CNIH3: variants seen among roughly 807,000 people sequenced by gnomAD.
CNIH3 encodes the protein cornichon family AMPA receptor auxiliary protein 3, also known as protein cornichon homolog 3.
In CNIH3, 14 loss-of-function variants were observed where a neutral mutation model predicts 24.1. That is an observed-to-expected ratio of 0.58 (90% CI 0.38 to 0.91). CNIH3 has a LOEUF of 0.91. Ranked by LOEUF, CNIH3 falls within the 40% of genes least tolerant of loss-of-function variation. The pLI is 0.00. For synonymous variants in CNIH3, 68 were observed against 73.8 expected, an observed-to-expected ratio of 0.92 and a Z score of 0.40; for missense variants, 178 against 196.8, an observed-to-expected ratio of 0.90 and a Z score of 0.57.
chr1:224,461,531 G>A (rs1675912244), intron 1 of CNIH3, among the ~76,000 whole-genome samples: 1 of 152,068 alleles, frequency 6.6e-6, no homozygotes, highest in South Asian at 2.1e-4. Context: ...TTGAACCTAT[G>A]GACGTATGTA....
At chr1:224,560,494 A>G (rs747252103) in intron 3 of CNIH3, among the ~76,000 whole-genome samples, 1 of 152,108 alleles carries the variant, frequency 6.6e-6, no homozygotes, top group African/African-American at 2.4e-5. Flanking sequence ...GTGCAGTTTC[A>G]TCTGCATTTA....
At chr1:224,569,600 C>T (rs1460055135) in intron 4 of CNIH3, among the ~76,000 whole-genome samples, 5 of 152,074 alleles carry the variant, frequency 3.3e-5, no homozygotes, top group Admixed American at 6.5e-5. Flanking sequence ...TAGATTATTT[C>T]TAATTATTTT....
chr1:224,627,286 A>G (rs4275420), intron 1 of CNIH3, among the ~76,000 whole-genome samples: 152,141 of 152,142 alleles, frequency 1, 76,070 homozygotes, highest in Middle Eastern at 1. Context: ...GAGTGCAGTG[A>G]TGTGATCTCG....
At chr1:224,686,547 T>A (rs1686670704) in intron 3 of CNIH3, among the ~76,000 whole-genome samples, 1 of 152,184 alleles carries the variant, frequency 6.6e-6, no homozygotes, top group Admixed American at 6.5e-5. Context: ...AGCTAGTACT[T>A]CTATAGTCTC....
chr1:224,569,200 A>G (rs1428726038), intron 4 of CNIH3, among the ~76,000 whole-genome samples: 2 of 152,084 alleles, frequency 1.3e-5, no homozygotes, highest in Admixed American at 6.5e-5. Flanking sequence ...GCTTTTTTAC[A>G]TTTTGCTATA....
At chr1:224,637,545 G>A (rs1338583184) in intron 1 of CNIH3, among the ~76,000 whole-genome samples, 1 of 152,166 alleles carries the variant, frequency 6.6e-6, no homozygotes, top group Non-Finnish European at 1.5e-5. Context: ...GAGCTGTTTA[G>A]TACTGGCCCC....
downstream of CNIH3, among the ~76,000 whole-genome samples, chr1:224,539,927 T>C (rs994625761): frequency 1.3e-5 from 2 of 152,228 alleles, no homozygotes; most frequent in African/African-American, 2.4e-5. Flanking sequence ...TGTAAGCTCC[T>C]TGAGGGTGCA....
chr1:224,655,817 G>C (rs1685070658), intron 1 of CNIH3, among the ~76,000 whole-genome samples: 1 of 152,194 alleles, frequency 6.6e-6, no homozygotes, highest in South Asian at 2.1e-4. Context: ...AAAATTGGAG[G>C]TTTGTATAAT....
intron 3 of CNIH3, among the ~76,000 whole-genome samples, chr1:224,692,573 G>A (rs1054071306): frequency 3.3e-5 from 5 of 152,144 alleles, no homozygotes; most frequent in Non-Finnish European, 4.4e-5. Flanking sequence ...TTCTTGGGAG[G>A]ATTTCTAAAG....
chr1:224,739,623 G>T lies in CNIH3; in HGVS notation c.*267G>T. 1 of 564,372 alleles carries T rather than the reference G, an allele frequency of 1.8e-6. No individual in the cohort carries two copies. 35.0% of individuals were successfully genotyped at this position (564,372 alleles called of 1,614,324 possible). ...GCCCTTCTGAGCATCAGTGGTGTGGGGGAGTAGGTGACGAAACACTAGACC... is the reference window on the plus strand; with the variant it reads ...GCCCTTCTGAGCATCAGTGGTGTGGTGGAGTAGGTGACGAAACACTAGACC... On this transcript the variant is annotated 3_prime_UTR_variant, in exon 6 of 6. Coordinates refer to ENST00000272133, the MANE Select transcript of CNIH3 (RefSeq NM_152495.2).
intron 2 of CNIH3, among the ~76,000 whole-genome samples, chr1:224,531,020 T>C (rs1378286168): frequency 6.6e-6 from 1 of 152,200 alleles, no homozygotes; most frequent in African/African-American, 2.4e-5. Context: ...GCAGACTTCC[T>C]AGGCATGGAA....
chr1:224,630,492 C>G (rs898676122), intron 1 of CNIH3, among the ~76,000 whole-genome samples: 5 of 151,926 alleles, frequency 3.3e-5, no homozygotes, highest in Admixed American at 6.5e-5. Flanking sequence ...GGTAGTTTCT[C>G]TCTCACACAT....
At chr1:224,531,369 G>A (rs1679062773) in intron 2 of CNIH3, among the ~76,000 whole-genome samples, 1 of 152,174 alleles carries the variant, frequency 6.6e-6, no homozygotes, top group African/African-American at 2.4e-5. Flanking sequence ...GTTATGAAGA[G>A]GTGCACTGTG....
chr1:224,489,107 T>C (rs1677143065), intron 1 of CNIH3, among the ~76,000 whole-genome samples: 1 of 152,184 alleles, frequency 6.6e-6, no homozygotes, highest in South Asian at 2.1e-4. Context: ...AGATTCTGAG[T>C]TCTGCTATGT....
At chr1:224,677,456 G>T (rs114551239) in intron 1 of CNIH3, among the ~76,000 whole-genome samples, 3,843 of 152,328 alleles carry the variant, frequency 0.025, 81 homozygotes, top group Non-Finnish European at 0.037. Flanking sequence ...ATACATTAGC[G>T]AGTAGCCACT....
At chr1:224,602,976 G>A (rs1409878877) in intron 3 of CNIH3, among the ~76,000 whole-genome samples, 2 of 152,034 alleles carry the variant, frequency 1.3e-5, no homozygotes, top group Non-Finnish European at 2.9e-5. Flanking sequence ...CATGTCTGTG[G>A]GGAAAAAAAG....
At chr1:224,459,849 C>T (rs1005814313) in intron 1 of CNIH3, among the ~76,000 whole-genome samples, 18 of 147,292 alleles carry the variant, frequency 1.2e-4, no homozygotes, top group Admixed American at 4.1e-4. Context: ...ACACCCTGGG[C>T]GGGGAGGGGT....
chr1:224,438,014 G>A (rs907089954), intron 1 of CNIH3, among the ~76,000 whole-genome samples: 4 of 151,384 alleles, frequency 2.6e-5, no homozygotes, highest in Non-Finnish European at 4.4e-5. Flanking sequence ...CTGGGTTCAC[G>A]CCATTCTCCT....
chr1:224,547,329 C>T (rs1431833163), intron 3 of CNIH3, among the ~76,000 whole-genome samples: 3 of 150,454 alleles, frequency 2.0e-5, no homozygotes, highest in African/African-American at 7.4e-5. Flanking sequence ...TGACAGTATT[C>T]GTAATATCTG....
Sources: gnomAD v4.1 joint callset for allele counts (sites outside exome capture counted in the v4.1 genomes callset) on GRCh38, gnomAD v4.1.1 for gene constraint, MANE v1.5 for transcripts, NCBI Gene and HGNC (gene_info 2026-07-23, HGNC 2026-07-21) for gene names.